Variants in FUT9 observed in about 807,000 individuals in gnomAD.
FUT9 encodes the protein 4-galactosyl-N-acetylglucosaminide 3-alpha-L-fucosyltransferase 9.
FUT9 carries 15 observed loss-of-function variants against 29.7 expected under a neutral mutation model. The observed-to-expected ratio is 0.51, with a 90% CI of 0.34 to 0.78. FUT9 has a LOEUF of 0.78. FUT9 is among the 30% of genes least tolerant of loss of function. The pLI is 0.01. For missense variants in FUT9, 319 were observed against 425.4 expected, an observed-to-expected ratio of 0.75 and a Z score of 2.20; for synonymous variants, 169 against 153.7, an observed-to-expected ratio of 1.10 and a Z score of -0.74.
chr6:96,087,900 A>G (rs1771345078), intron 1 of FUT9, among the ~76,000 whole-genome samples: 1 of 152,172 alleles, frequency 6.6e-6, no homozygotes, highest in South Asian at 2.1e-4. Flanking sequence ...CCTTTAACAT[A>G]TCTGGTAATA....
intron 1 of FUT9, among the ~76,000 whole-genome samples, chr6:96,087,515 T>A (rs1383526519): frequency 4.0e-5 from 6 of 151,822 alleles, no homozygotes; most frequent in Admixed American, 1.3e-4. Flanking sequence ...TACAGGCGCG[T>A]GCCACAATGC....
chr6:96,110,321 C>T (rs141856414), intron 1 of FUT9, among the ~76,000 whole-genome samples: 2 of 152,250 alleles, frequency 1.3e-5, no homozygotes, highest in Non-Finnish European at 2.9e-5. Flanking sequence ...TCATAGAAGG[C>T]CCATTTATCC....
At chr6:96,196,891 C>G (rs991332523) in intron 2 of FUT9, among the ~76,000 whole-genome samples, 17 of 152,070 alleles carry the variant, frequency 1.1e-4, no homozygotes, top group African/African-American at 4.1e-4. Flanking sequence ...ATGGCCAGTT[C>G]TTACACGGAA....
chr6:96,154,246 G>A (rs186206035), intron 2 of FUT9, among the ~76,000 whole-genome samples: 41 of 152,328 alleles, frequency 2.7e-4, no homozygotes, highest in Admixed American at 6.5e-4. Context: ...TGAGCACAGA[G>A]TAGCAAAATC....
At chr6:96,183,043 T>C (rs779235809) in intron 2 of FUT9, among the ~76,000 whole-genome samples, 10 of 152,150 alleles carry the variant, frequency 6.6e-5, no homozygotes, top group Non-Finnish European at 1.2e-4. Flanking sequence ...ATGGTTATTT[T>C]CACAATATTG....
intron 2 of FUT9, among the ~76,000 whole-genome samples, chr6:96,137,340 G>A (rs1440974703): frequency 6.6e-6 from 1 of 151,976 alleles, no homozygotes; most frequent in Non-Finnish European, 1.5e-5. Flanking sequence ...ATCCATGAGT[G>A]CATAGTTATA....
intron 2 of FUT9, among the ~76,000 whole-genome samples, chr6:96,176,384 C>T (rs1474332771): frequency 6.6e-6 from 1 of 151,394 alleles, no homozygotes; most frequent in Non-Finnish European, 1.5e-5. Context: ...TATATATATC[C>T]TATTGGTTCT....
chr6:96,176,503 T>C (rs980625182), intron 2 of FUT9, among the ~76,000 whole-genome samples: 1 of 152,134 alleles, frequency 6.6e-6, no homozygotes, highest in Non-Finnish European at 1.5e-5. Flanking sequence ...TCTGGCTGTT[T>C]TCCAGTAAAA....
Position 96,204,348 on chromosome 6 carries a change from CCTCT to C in FUT9, c.*116_*119del. 7 of 705,692 alleles carry C rather than the reference CCTCT, an allele frequency of 9.9e-6. No homozygotes were observed. Among genetic ancestry groups the C allele is most frequent in the African/African-American group, 1.8e-5 (1 of 55,100 alleles). The allele number at this position is 705,692 out of a possible 1,614,324, so 43.7% of individuals were successfully genotyped here. On this transcript the variant is annotated 3_prime_UTR_variant, in exon 3 of 3. Coordinates refer to ENST00000302103, the MANE Select transcript of FUT9 (RefSeq NM_006581.4). ...TTGTGTCACAATTTATTTTTATCAC[CCTCT>C]CTAGGGTAACGTGTATATTTTGGTG...
At chr6:96,184,788 C>T (rs1457893140) in intron 2 of FUT9, among the ~76,000 whole-genome samples, 1 of 151,818 alleles carries the variant, frequency 6.6e-6, no homozygotes, top group Non-Finnish European at 1.5e-5. Context: ...AGTTGATTTC[C>T]AGTTTTATTC....
At chr6:96,106,213 C>CCCTTCCTTCCTTCCTT (rs58462407) in intron 1 of FUT9, among the ~76,000 whole-genome samples, 23,834 of 137,086 alleles carry the variant, frequency 0.17, 2,536 homozygotes, top group Middle Eastern at 0.23. Context: ...AATCCATCAA[C>CCCTTCCTTCCTTCCTT]CCTTCCTTCC....
chr6:96,114,235 A>G (rs1212836089), intron 2 of FUT9, 108 bp downstream of exon 2: 4 of 152,116 alleles, frequency 2.6e-5, no homozygotes, highest in African/African-American at 9.6e-5. Context: ...ACTAAAACTC[A>G]TCCAAGTTAC....
intron 1 of FUT9, among the ~76,000 whole-genome samples, chr6:96,035,821 A>G (rs1011700337): frequency 3.0e-5 from 4 of 133,764 alleles, no homozygotes; most frequent in Admixed American, 1.6e-4. Flanking sequence ...CATATAATAT[A>G]TTATATGTAT....
At chr6:96,185,987 G>T (rs532509402) in intron 2 of FUT9, among the ~76,000 whole-genome samples, 1 of 152,140 alleles carries the variant, frequency 6.6e-6, no homozygotes, top group East Asian at 1.9e-4. Flanking sequence ...GTCTCTCTAA[G>T]ATTAGTGATT....
At chr6:96,045,033 T>C (rs960749411) in intron 1 of FUT9, among the ~76,000 whole-genome samples, 1 of 152,004 alleles carries the variant, frequency 6.6e-6, no homozygotes, top group African/African-American at 2.4e-5. Flanking sequence ...TGGGTGACAG[T>C]GAAAGGGGTG....
intron 2 of FUT9, among the ~76,000 whole-genome samples, chr6:96,115,904 T>C (rs372565417): frequency 6.6e-6 from 1 of 152,148 alleles, no homozygotes; most frequent in South Asian, 2.1e-4. Context: ...CTTGCTTTGT[T>C]GTAACTAAAG....
At chr6:96,166,382 AT>A (rs1304446186) in intron 2 of FUT9, among the ~76,000 whole-genome samples, 1 of 152,038 alleles carries the variant, frequency 6.6e-6, no homozygotes, top group African/African-American at 2.4e-5. Context: ...ATATCTTTTT[AT>A]TTTTTTCTTA....
At chr6:96,175,599 T>C (rs1358008465) in intron 2 of FUT9, among the ~76,000 whole-genome samples, 3 of 152,218 alleles carry the variant, frequency 2.0e-5, no homozygotes, top group Admixed American at 6.5e-5. Flanking sequence ...ATTGAAAATA[T>C]AGAGTTTCTT....
chr6:96,189,086 G>T (rs995274962), intron 2 of FUT9, among the ~76,000 whole-genome samples: 2 of 152,058 alleles, frequency 1.3e-5, no homozygotes. Flanking sequence ...TTAGTGTGTT[G>T]GGGGAAGGTT....
Sources: gnomAD v4.1 joint callset for allele counts (sites outside exome capture counted in the v4.1 genomes callset) on GRCh38, gnomAD v4.1.1 for gene constraint, MANE v1.5 for transcripts, NCBI Gene and HGNC (gene_info 2026-07-23, HGNC 2026-07-21) for gene names.